The following AUTS2 variants were observed in gnomAD, a reference collection of about 807,000 sequenced individuals.
The protein encoded by AUTS2 is autism susceptibility gene 2 protein.
A neutral mutation model predicts 112.4 loss-of-function variants in AUTS2; 17 were observed. That is an observed-to-expected ratio of 0.15 (90% CI 0.10 to 0.23). The LOEUF (loss-of-function observed/expected upper bound fraction) is 0.23. Ranked by LOEUF, AUTS2 falls within the 10% of genes least tolerant of loss-of-function variation. The pLI is 1.00. For missense variants in AUTS2, 1,510 were observed against 1,701.6 expected (o/e 0.89, Z 1.98); for synonymous variants, 751 against 702.7 (o/e 1.07, Z -1.09).
At chr7:69,649,610 G>A (rs1291814874) in intron 1 of AUTS2, among the ~76,000 whole-genome samples, 2 of 151,394 alleles carry the variant, frequency 1.3e-5, no homozygotes, top group Non-Finnish European at 2.9e-5. Context: ...TCATTCCTAT[G>A]TATCTACAGA....
intron 4 of AUTS2, among the ~76,000 whole-genome samples, chr7:70,151,412 T>C (rs1156711972): frequency 6.6e-6 from 1 of 152,292 alleles, no homozygotes; most frequent in East Asian, 1.9e-4. Flanking sequence ...AGTAGGGTCT[T>C]GTCTCAGTAT....
At chr7:70,649,180 CAGAAGTTTGAGACCTTTAGATT>C (rs544945149) in intron 5 of AUTS2, among the ~76,000 whole-genome samples, 1,785 of 151,256 alleles carry the variant, frequency 0.012, 16 homozygotes, top group African/African-American at 0.02. Context: ...TGCTTTAGCT[CAGAAGTTTGAGACCTTTAGATT>C]AGAAGTTTGA....
chr7:70,423,524 C>A (rs1316961159), intron 4 of AUTS2, among the ~76,000 whole-genome samples: 1 of 152,204 alleles, frequency 6.6e-6, no homozygotes, highest in African/African-American at 2.4e-5. Flanking sequence ...CTATGCATAG[C>A]ATAACTTACA....
chr7:70,034,646 C>A (rs1800921192), intron 2 of AUTS2, among the ~76,000 whole-genome samples: 1 of 151,978 alleles, frequency 6.6e-6, no homozygotes, highest in Non-Finnish European at 1.5e-5. Context: ...CTTGTTCTAC[C>A]AATAGTCTTG....
chr7:69,621,539 G>A (rs1183150656), intron 1 of AUTS2, among the ~76,000 whole-genome samples: 3 of 152,206 alleles, frequency 2.0e-5, no homozygotes, highest in Non-Finnish European at 4.4e-5. Context: ...GAACAGGGAT[G>A]TGGAACCCAG....
chr7:70,639,870 C>T (rs546436672), intron 5 of AUTS2, among the ~76,000 whole-genome samples: 2 of 152,156 alleles, frequency 1.3e-5, no homozygotes, highest in African/African-American at 4.8e-5. Context: ...CCCTCCATTC[C>T]CTCTCTGAGA....
intron 2 of AUTS2, among the ~76,000 whole-genome samples, chr7:70,061,788 T>A (rs996262917): frequency 5.9e-5 from 9 of 151,998 alleles, no homozygotes; most frequent in Admixed American, 5.9e-4. Flanking sequence ...CTTCTTTTTT[T>A]TTTTTTTGCT....
intron 1 of AUTS2, among the ~76,000 whole-genome samples, chr7:69,700,844 G>A (rs573979019): frequency 6.6e-6 from 1 of 152,306 alleles, no homozygotes; most frequent in Admixed American, 6.5e-5. Context: ...TAATTGAGAG[G>A]ATGAGTAGCT....
At position 69,655,090 on chromosome 7, in the gene AUTS2, G is replaced by A. The variant is rs143097910; in HGVS notation, c.309+55128G>A. On this transcript the variant is annotated intron_variant, in intron 1 of 18. Transcript: ENST00000342771. ...CTCTTCAGCACCAGCATCAGTTGAT[G>A]CACCTGAATAACAATAGGGAAGCTT... Among the ~76,000 whole-genome samples, 6 of 152,250 alleles carry A rather than the reference G, an allele frequency of 3.9e-5. No homozygotes were observed. The East Asian group carries it at 1.2e-3, about 29-fold the overall frequency.
In AUTS2 at chr7:70,789,829, C is replaced by G; in HGVS notation, c.2613C>G (p.Ser871Arg). The change falls in exon 19 of 19, where the codon AGC becomes AGG. Residue 871 changes from serine (S) to arginine (R), a missense_variant. By Grantham distance (110) the Ser-to-Arg change is moderately radical. This residue lies in a region of AUTS2 where 788 missense variants were observed against 797.6 expected (regional missense o/e 0.99). Transcript: ENST00000342771. Reference sequence around the variant, plus strand: ...TGAATGCCCTGGGACATACCCGCAGCTCCACTGAACAGATCCGGGCTCATC... The same window carrying G: ...TGAATGCCCTGGGACATACCCGCAGGTCCACTGAACAGATCCGGGCTCATC... ...LPVNALGHTRSSTEQIRAHLN... is the reference protein window; with the variant it reads ...LPVNALGHTRRSTEQIRAHLN... The G allele has an allele frequency of 6.2e-7, 1 of 1,614,204 alleles. No individual in the cohort carries two copies. The highest frequency in any genetic ancestry group is 8.5e-7 in the Non-Finnish European group (1 of 1,180,034).
chr7:70,181,542 C>T (rs1030925706), intron 4 of AUTS2, among the ~76,000 whole-genome samples: 5 of 150,640 alleles, frequency 3.3e-5, no homozygotes, highest in African/African-American at 9.8e-5. Flanking sequence ...GGCTGGAGTG[C>T]AGTGGCGCCA....
chr7:70,647,613 C>T (rs1025279462), intron 5 of AUTS2, among the ~76,000 whole-genome samples: 1 of 152,210 alleles, frequency 6.6e-6, no homozygotes, highest in African/African-American at 2.4e-5. Context: ...CATCCTGGGT[C>T]ACACCCTGGC....
intron 1 of AUTS2, among the ~76,000 whole-genome samples, chr7:69,717,944 A>G (rs552152334): frequency 1.3e-5 from 2 of 152,322 alleles, no homozygotes; most frequent in African/African-American, 2.4e-5. Context: ...CCGGCCAGCA[A>G]AGGAGGCCAA....
intron 5 of AUTS2, among the ~76,000 whole-genome samples, chr7:70,448,625 C>A (rs1379355306): frequency 1.3e-5 from 2 of 152,108 alleles, no homozygotes; most frequent in African/African-American, 4.8e-5. Flanking sequence ...CTCAGATGGT[C>A]GTTTAGAATG....
intron 1 of AUTS2, among the ~76,000 whole-genome samples, chr7:69,881,297 TG>T (rs1272589931): frequency 6.6e-6 from 1 of 152,116 alleles, no homozygotes. Flanking sequence ...CGTCTTTCCC[TG>T]TTCCATTAAG....
chr7:70,067,766 T>A (rs146629615), intron 2 of AUTS2, among the ~76,000 whole-genome samples: 122 of 151,778 alleles, frequency 8.0e-4, no homozygotes, highest in Non-Finnish European at 7.7e-4. Context: ...GGCAGGAGGA[T>A]CACCTGAGCC....
At chr7:70,660,624 C>G (rs544108054) in intron 5 of AUTS2, among the ~76,000 whole-genome samples, 1 of 152,326 alleles carries the variant, frequency 6.6e-6, no homozygotes, top group South Asian at 2.1e-4. Flanking sequence ...TGTCAACCAC[C>G]ACCGTGGCAG....
chr7:70,117,443 T>A (rs1805441739), intron 2 of AUTS2, among the ~76,000 whole-genome samples: 1 of 152,124 alleles, frequency 6.6e-6, no homozygotes. Flanking sequence ...AGAAAAAAGG[T>A]AAGAAATCAT....
intron 4 of AUTS2, among the ~76,000 whole-genome samples, chr7:70,159,854 T>C (rs1472787387): frequency 2.0e-5 from 3 of 152,206 alleles, no homozygotes; most frequent in African/African-American, 4.8e-5. Context: ...TAGAATCTTA[T>C]TATAGTTAGA....
Sources: gnomAD v4.1 joint callset for allele counts (sites outside exome capture counted in the v4.1 genomes callset) on GRCh38, gnomAD v4.1.1 for gene constraint, gnomAD v4.1.1 regional missense constraint, MANE v1.5 for transcripts, NCBI Gene and HGNC (gene_info 2026-07-23, HGNC 2026-07-21) for gene names.